Variants in NPAS3 observed in about 807,000 individuals in gnomAD.
NPAS3 encodes neuronal PAS domain protein 3.
Under a neutral mutation model 73.1 loss-of-function variants are expected in NPAS3, and 14 were observed. That is an observed-to-expected ratio of 0.19 (90% CI 0.13 to 0.30). The LOEUF (loss-of-function observed/expected upper bound fraction) is 0.30. Among genes scored for constraint, NPAS3 ranks in the 10% least tolerant of loss-of-function variants. NPAS3 has a pLI of 1.00. For synonymous variants in NPAS3, 620 were observed against 541.5 expected, an observed-to-expected ratio of 1.14 and a Z score of -2.01; for missense variants, 1,096 against 1,250.0, an observed-to-expected ratio of 0.88 and a Z score of 1.86.
At position 32,946,346 on chromosome 14, in the gene NPAS3, G is replaced by GCACACACACA. The variant is rs5807694; in HGVS notation, c.50+6981_50+6982insACACACACAC. On this transcript the variant is annotated intron_variant, in intron 1 of 11. Transcript: ENST00000356141. ...CCCCATCCCCCCAACACACACACAC[G>GCACACACACA]CGCACACACACACACACACACACAC... Among the ~76,000 whole-genome samples the GCACACACACA allele has an allele frequency of 1.4e-3, 183 of 131,964 alleles. 1 individual carries two copies. Among genetic ancestry groups the GCACACACACA allele is most frequent in the Non-Finnish European group, 2.2e-3 (137 of 63,110 alleles). 86.6% of individuals were successfully genotyped at this position (131,964 alleles called of 152,430 possible). A position where few individuals can be genotyped will look rare whatever the true frequency, so the allele number is the denominator to read the frequency against.
intron 9 of NPAS3, among the ~76,000 whole-genome samples, chr14:33,788,705 T>G (rs1481429699): frequency 6.6e-6 from 1 of 152,122 alleles, no homozygotes; most frequent in Non-Finnish European, 1.5e-5. Flanking sequence ...ACCAGAATTA[T>G]GTTCCTGCCA....
At chr14:33,308,523 T>TACACACACACACACACACACAC (rs1347327819) in intron 3 of NPAS3, among the ~76,000 whole-genome samples, 1 of 88,812 alleles carries the variant, frequency 1.1e-5, no homozygotes, top group African/African-American at 4.6e-5. Context: ...TATATATATA[T>TACACACACACACACACACACAC]ATATACATAC....
chr14:33,679,206 T>TCTCA (rs2059862521), intron 6 of NPAS3, among the ~76,000 whole-genome samples: 1 of 152,200 alleles, frequency 6.6e-6, no homozygotes, highest in African/African-American at 2.4e-5. Flanking sequence ...TGAATGTGAC[T>TCTCA]CTCACCAGTA....
intron 3 of NPAS3, among the ~76,000 whole-genome samples, chr14:33,356,623 C>T (rs1162034327): frequency 6.6e-6 from 1 of 152,088 alleles, no homozygotes; most frequent in Non-Finnish European, 1.5e-5. Context: ...TTGTTCAGTC[C>T]CACTGATGAC....
In NPAS3 at chr14:33,438,982, A is replaced by G. The variant is rs1036043386; in HGVS notation, c.468+71714A>G. On this transcript the variant is annotated intron_variant, in intron 4 of 11. Transcript: ENST00000356141. Reference sequence around the variant, plus strand: ...AACACCATGTAGGCCTGTGGTGCTAAGGTCGGACATGTGAAATACATGCAG... The same window carrying G: ...AACACCATGTAGGCCTGTGGTGCTAGGGTCGGACATGTGAAATACATGCAG... 2.6e-5 allele frequency among the ~76,000 whole-genome samples: 4 copies of G among 152,344 alleles called. No homozygotes were observed. The East Asian group carries it at 5.8e-4, about 22-fold the overall frequency.
At chr14:33,005,333 A>C (rs1481046122) in intron 1 of NPAS3, among the ~76,000 whole-genome samples, 1 of 152,242 alleles carries the variant, frequency 6.6e-6, no homozygotes, top group East Asian at 1.9e-4. Context: ...TACCACTTAC[A>C]TATATGTGTT....
At chr14:33,318,376 T>C (rs982437619) in intron 3 of NPAS3, among the ~76,000 whole-genome samples, 25 of 152,118 alleles carry the variant, frequency 1.6e-4, no homozygotes, top group African/African-American at 6.0e-4. Flanking sequence ...TTAAAGTGTA[T>C]AGAGTTTAGC....
chr14:33,765,883 G>A (rs754892814), intron 7 of NPAS3, among the ~76,000 whole-genome samples: 23 of 152,016 alleles, frequency 1.5e-4, no homozygotes, highest in South Asian at 2.1e-4. Context: ...CCCCTGTGTC[G>A]ATTTAGAAAA....
intron 6 of NPAS3, among the ~76,000 whole-genome samples, chr14:33,676,990 C>G (rs2059788380): frequency 1.3e-5 from 2 of 152,092 alleles, no homozygotes; most frequent in South Asian, 4.2e-4. Flanking sequence ...TTCCAGGACT[C>G]TTATAGACTT....
chr14:33,766,249 T>C, intron 7 of NPAS3, among the ~76,000 whole-genome samples: 1 of 152,312 alleles, frequency 6.6e-6, no homozygotes, highest in South Asian at 2.1e-4. Context: ...GGCCTTGACT[T>C]CTTTCCTTTT....
At chr14:33,563,695 A>G (rs576081254) in intron 5 of NPAS3, among the ~76,000 whole-genome samples, 1 of 152,284 alleles carries the variant, frequency 6.6e-6, no homozygotes, top group African/African-American at 2.4e-5. Context: ...ATCTTAAAGG[A>G]AGATTCCCAC....
chr14:33,389,271 G>A (rs1303629942), intron 4 of NPAS3, among the ~76,000 whole-genome samples: 1 of 152,132 alleles, frequency 6.6e-6, no homozygotes, highest in African/African-American at 2.4e-5. Context: ...CGACTGCTTT[G>A]TTTTGGAAAT....
intron 4 of NPAS3, among the ~76,000 whole-genome samples, chr14:33,487,163 G>T (rs187030336): frequency 1.4e-4 from 21 of 152,196 alleles, no homozygotes; most frequent in African/African-American, 4.3e-4. Context: ...AAACAAATTT[G>T]CTTTATCTTC....
intron 4 of NPAS3, among the ~76,000 whole-genome samples, chr14:33,529,902 T>C (rs1020564100): frequency 1.1e-4 from 16 of 152,178 alleles, no homozygotes; most frequent in African/African-American, 3.6e-4. Context: ...TAACATATTT[T>C]ACTAATATGA....
intron 2 of NPAS3, among the ~76,000 whole-genome samples, chr14:33,133,119 C>T (rs1304885528): frequency 1.3e-5 from 2 of 152,076 alleles, no homozygotes; most frequent in Non-Finnish European, 2.9e-5. Context: ...AGTAGTAACA[C>T]AAAAATTCCC....
At chr14:33,264,376 A>C (rs151208798) in intron 3 of NPAS3, among the ~76,000 whole-genome samples, 13 of 152,232 alleles carry the variant, frequency 8.5e-5, no homozygotes, top group Non-Finnish European at 1.3e-4. Flanking sequence ...ACATATGTAA[A>C]AAACCTGCAT....
intron 2 of NPAS3, among the ~76,000 whole-genome samples, chr14:33,213,123 G>A (rs1269609019): frequency 6.6e-6 from 1 of 152,084 alleles, no homozygotes; most frequent in Admixed American, 6.6e-5. Flanking sequence ...TTGTCCTTCA[G>A]TTCCTCCCAG....
intron 2 of NPAS3, among the ~76,000 whole-genome samples, chr14:33,168,427 A>T (rs1481802813): frequency 6.6e-6 from 1 of 152,158 alleles, no homozygotes; most frequent in Non-Finnish European, 1.5e-5. Flanking sequence ...GAACAATTCA[A>T]CCAAAGCTGT....
intron 3 of NPAS3, among the ~76,000 whole-genome samples, chr14:33,290,400 G>T (rs1233216397): frequency 6.6e-6 from 1 of 152,324 alleles, no homozygotes; most frequent in Admixed American, 6.5e-5. Flanking sequence ...GCAGTATATA[G>T]AATCTTCGAG....
Sources: gnomAD v4.1 joint callset for allele counts (sites outside exome capture counted in the v4.1 genomes callset) on GRCh38, gnomAD v4.1.1 for gene constraint, MANE v1.5 for transcripts, NCBI Gene and HGNC (gene_info 2026-07-23, HGNC 2026-07-21) for gene names.